Variants in MZT1 observed in about 807,000 individuals in gnomAD.
MZT1 encodes the protein mitotic-spindle organizing protein 1.
A neutral mutation model predicts 8.5 loss-of-function variants in MZT1; 8 were observed. The ratio of observed to expected loss-of-function variants is 0.94; its 90% CI spans 0.55 to 1.70. The LOEUF (loss-of-function observed/expected upper bound fraction) is 1.70, where lower values mean the gene tolerates loss of function less well. Ranked by LOEUF, MZT1 falls within the 40% of genes most tolerant of loss-of-function variation. The pLI is 0.00. For missense variants in MZT1, 93 were observed against 108.6 expected, an observed-to-expected ratio of 0.86 and a Z score of 0.64; for synonymous variants, 38 against 42.0, an observed-to-expected ratio of 0.90 and a Z score of 0.37.
chr13:72,725,263 C>T (rs1449284038), intron 1 of MZT1, among the ~76,000 whole-genome samples: 4 of 151,948 alleles, frequency 2.6e-5, no homozygotes, highest in African/African-American at 4.8e-5. Context: ...TGAAAAGGCA[C>T]GACTATTTTA....
At chr13:72,714,776 C>G (rs1221680073) in intron 2 of MZT1, among the ~76,000 whole-genome samples, 1 of 152,226 alleles carries the variant, frequency 6.6e-6, no homozygotes, top group Non-Finnish European at 1.5e-5. Context: ...TGTGGGTGCA[C>G]AGAGTACAAT....
At chr13:72,715,149 C>T (rs1485200418) in intron 2 of MZT1, among the ~76,000 whole-genome samples, 1 of 152,184 alleles carries the variant, frequency 6.6e-6, no homozygotes, top group Non-Finnish European at 1.5e-5. Flanking sequence ...CATACCCCTC[C>T]CACCAGTGTG....
chr13:72,716,307 G>C (rs2032534579), intron 2 of MZT1, among the ~76,000 whole-genome samples: 1 of 152,168 alleles, frequency 6.6e-6, no homozygotes, highest in African/African-American at 2.4e-5. Flanking sequence ...GCAAGAGAGA[G>C]GGGTTAGTGA....
At chr13:72,713,761 C>T (rs540935293) in intron 2 of MZT1, among the ~76,000 whole-genome samples, 1 of 152,204 alleles carries the variant, frequency 6.6e-6, no homozygotes, top group African/African-American at 2.4e-5. Flanking sequence ...GTGAGGATTT[C>T]CTTTGAGTGT....
intron 2 of MZT1, among the ~76,000 whole-genome samples, chr13:72,715,039 T>C (rs968875635): frequency 2.0e-5 from 3 of 152,162 alleles, no homozygotes; most frequent in African/African-American, 7.2e-5. Context: ...CCCTGAGCCT[T>C]GAAAAGCTGC....
chr13:72,719,939 T>C (rs534853413), intron 1 of MZT1, among the ~76,000 whole-genome samples: 4 of 152,280 alleles, frequency 2.6e-5, no homozygotes, highest in African/African-American at 9.6e-5. Context: ...AGAGAGTATT[T>C]AGAATATTTT....
chr13:72,720,087 C>A (rs2032578070), intron 1 of MZT1, among the ~76,000 whole-genome samples: 1 of 152,152 alleles, frequency 6.6e-6, no homozygotes, highest in Non-Finnish European at 1.5e-5. Flanking sequence ...TCCCAAAACC[C>A]CCCATAAGTA....
intron 1 of MZT1, among the ~76,000 whole-genome samples, chr13:72,722,715 T>C (rs577806887): frequency 6.6e-6 from 1 of 152,346 alleles, no homozygotes; most frequent in South Asian, 2.1e-4. Context: ...CAGGGTAGCA[T>C]GCTTTGTCAG....
At chr13:72,725,243 G>C (rs1188858100) in intron 1 of MZT1, among the ~76,000 whole-genome samples, 1 of 152,054 alleles carries the variant, frequency 6.6e-6, no homozygotes, top group Non-Finnish European at 1.5e-5. Flanking sequence ...GGTTGCGAGG[G>C]GGGTGTTGTT....
At chr13:72,723,020 C>T (rs76505315) in intron 1 of MZT1, among the ~76,000 whole-genome samples, 24,918 of 152,094 alleles carry the variant, frequency 0.16, 2,373 homozygotes, top group East Asian at 0.42. Context: ...ACATATTAAA[C>T]TTTTTAATCA....
intron 2 of MZT1, among the ~76,000 whole-genome samples, chr13:72,712,257 T>A (rs2032495260): frequency 6.6e-6 from 1 of 152,200 alleles, no homozygotes; most frequent in Non-Finnish European, 1.5e-5. Flanking sequence ...CTCAAATGCC[T>A]GAGCTCAGGC....
chr13:72,720,052 C>T (rs1321971016), intron 1 of MZT1, among the ~76,000 whole-genome samples: 1 of 152,198 alleles, frequency 6.6e-6, no homozygotes, highest in African/African-American at 2.4e-5. Context: ...CACCAGTATT[C>T]TCTTCCAGCA....
At chr13:72,725,246 G>A (rs563888428) in intron 1 of MZT1, among the ~76,000 whole-genome samples, 2 of 152,062 alleles carry the variant, frequency 1.3e-5, no homozygotes, top group Admixed American at 6.5e-5. Flanking sequence ...TGCGAGGGGG[G>A]TGTTGTTGAA....
At chr13:72,723,369 C>A (rs2032608351) in intron 1 of MZT1, among the ~76,000 whole-genome samples, 1 of 152,144 alleles carries the variant, frequency 6.6e-6, no homozygotes, top group Non-Finnish European at 1.5e-5. Context: ...ACAGGTTGAA[C>A]ACTCCTAATT....
At chr13:72,720,825 T>G (rs1468614685) in intron 1 of MZT1, among the ~76,000 whole-genome samples, 1 of 152,156 alleles carries the variant, frequency 6.6e-6, no homozygotes, top group Non-Finnish European at 1.5e-5. Flanking sequence ...GAAGTAAAGG[T>G]TGCGGTGAGC....
chr13:72,714,770 G>A (rs753813326), intron 2 of MZT1, among the ~76,000 whole-genome samples: 6 of 152,208 alleles, frequency 3.9e-5, no homozygotes, highest in Non-Finnish European at 8.8e-5. Flanking sequence ...CAAGCCTGTG[G>A]GTGCACAGAG....
At chr13:72,718,024 G>C (rs774219493) in intron 2 of MZT1, among the ~76,000 whole-genome samples, 1 of 152,214 alleles carries the variant, frequency 6.6e-6, no homozygotes, top group Non-Finnish European at 1.5e-5. Flanking sequence ...TTCTGGGACT[G>C]CCATAATAAA....
At chr13:72,722,479 A>G (rs1472087038) in intron 1 of MZT1, among the ~76,000 whole-genome samples, 1 of 151,912 alleles carries the variant, frequency 6.6e-6, no homozygotes, top group Non-Finnish European at 1.5e-5. Context: ...TTTTTCATCT[A>G]CCTTAGGTGC....
chr13:72,713,970 C>G (rs2032511397), intron 2 of MZT1, among the ~76,000 whole-genome samples: 1 of 152,178 alleles, frequency 6.6e-6, no homozygotes, highest in East Asian at 1.9e-4. Context: ...TTTCTTTCTG[C>G]CATATGAAAG....
Sources: allele counts gnomAD v4.1 joint callset (sites outside exome capture counted in the v4.1 genomes callset), GRCh38; gene constraint gnomAD v4.1.1; transcripts MANE v1.5; gene names NCBI Gene and HGNC (gene_info 2026-07-23, HGNC 2026-07-21).